Variants in PTPRG observed in about 807,000 individuals in gnomAD.
PTPRG encodes the protein receptor-type tyrosine-protein phosphatase gamma.
In PTPRG, 102 loss-of-function variants were observed where a neutral mutation model predicts 165.3. The observed-to-expected ratio is 0.62, with a 90% CI of 0.53 to 0.73. PTPRG has a LOEUF of 0.73. Among genes scored for constraint, PTPRG ranks in the 30% least tolerant of loss-of-function variants. The probability of loss-of-function intolerance (pLI) is 0.00; values close to 1 mark genes in which losing one functional copy is unlikely to be tolerated. For synonymous variants in PTPRG, 675 were observed against 669.5 expected (o/e 1.01, Z -0.13); for missense variants, 1,866 against 1,861.4 (o/e 1.00, Z -0.05).
intron 2 of PTPRG, among the ~76,000 whole-genome samples, chr3:61,760,105 A>G (rs984627290): frequency 1.1e-4 from 16 of 152,214 alleles, no homozygotes; most frequent in Non-Finnish European, 2.1e-4. Context: ...TGGCTTTCCA[A>G]TATGGCAAAA....
At position 61,917,805 on chromosome 3, in the gene PTPRG, C is replaced by T. The variant is rs117970852; in HGVS notation, c.191-71820C>T. ...AACATTATCCGGGTGTGGTGGCGGACGCTTGTAATCCTAGCTACCAGGAGG... is the reference window on the plus strand; with the variant it reads ...AACATTATCCGGGTGTGGTGGCGGATGCTTGTAATCCTAGCTACCAGGAGG... On this transcript the variant is annotated intron_variant, in intron 2 of 29. Transcript: ENST00000474889. 1.8e-4 allele frequency among the ~76,000 whole-genome samples: 27 copies of T among 152,200 alleles called. No individual in the cohort carries two copies. In the East Asian group the frequency reaches 4.6e-3, roughly 26 times the overall value.
rs533342754 is a variant in PTPRG at position 62,121,476 on chromosome 3, G to A, written c.616-11126G>A. The stretch of plus-strand genomic sequence containing the variant: ...ATACAGCTGCTAAGTAGAAGAGCTG[G>A]GTTGTGAATCGGGCTCTAGCATCCT... On this transcript the variant is annotated intron_variant, in intron 5 of 29. Transcript: ENST00000474889. Among the ~76,000 whole-genome samples, 261 of 152,214 alleles carry A rather than the reference G, an allele frequency of 1.7e-3. 1 individual carries two copies. Among genetic ancestry groups the A allele is most frequent in the African/African-American group, 6.0e-3 (251 of 41,522 alleles).
chr3:61,849,737 A>G (rs1336603977), intron 2 of PTPRG, among the ~76,000 whole-genome samples: 1 of 149,012 alleles, frequency 6.7e-6, no homozygotes, highest in African/African-American at 2.6e-5. Context: ...AGCTACAGCT[A>G]CACATAGAAC....
At chr3:62,260,842 C>T (rs1463123868) in intron 16 of PTPRG, 1 of 152,180 alleles carries the variant, frequency 6.6e-6, no homozygotes, top group African/African-American at 2.4e-5. Flanking sequence ...CAGAAGGCCT[C>T]AGGCAAACCC....
At chr3:61,895,625 T>C (rs1429429295) in intron 2 of PTPRG, among the ~76,000 whole-genome samples, 1 of 152,250 alleles carries the variant, frequency 6.6e-6, no homozygotes, top group African/African-American at 2.4e-5. Flanking sequence ...CATTTTATTT[T>C]TGAAAGTCAA....
intron 2 of PTPRG, among the ~76,000 whole-genome samples, chr3:61,870,676 C>T (rs2037546049): frequency 6.6e-6 from 1 of 151,312 alleles, no homozygotes; most frequent in Non-Finnish European, 1.5e-5. Flanking sequence ...CCATCGCACC[C>T]ATTGTTGGGT....
chr3:62,201,252 A>G (rs2106833573), intron 10 of PTPRG, among the ~76,000 whole-genome samples: 2 of 152,356 alleles, frequency 1.3e-5, no homozygotes, highest in East Asian at 3.9e-4. Context: ...ATTGAAAAAT[A>G]ACTTTTTAAC....
At chr3:62,142,245 C>T (rs191588548) in intron 6 of PTPRG, among the ~76,000 whole-genome samples, 25 of 152,096 alleles carry the variant, frequency 1.6e-4, no homozygotes, top group African/African-American at 5.8e-4. Context: ...AAAACCCAAT[C>T]TTTATTGCTT....
chr3:61,984,010 A>C (rs192680746), intron 2 of PTPRG, among the ~76,000 whole-genome samples: 1 of 152,214 alleles, frequency 6.6e-6, no homozygotes, highest in South Asian at 2.1e-4. Context: ...GTGAAGTCTC[A>C]GATTCAAGCC....
chr3:61,775,291 G>A (rs915979506), intron 2 of PTPRG, among the ~76,000 whole-genome samples: 1 of 152,048 alleles, frequency 6.6e-6, no homozygotes, highest in Admixed American at 6.6e-5. Flanking sequence ...GGCTGGTCTC[G>A]AACTCCTGAC....
Position 62,076,602 on chromosome 3 carries a change from A to G in PTPRG, c.520-1561A>G, listed in dbSNP as rs112857220. Among the ~76,000 whole-genome samples the G allele has an allele frequency of 9.1e-3, 1,334 of 146,526 alleles. 24 individuals carry two copies. Among genetic ancestry groups the G allele is most frequent in the African/African-American group, 0.032 (1,276 of 39,622 alleles). ...CTACATCTTTTTTTTTTTTTTCGAG[A>G]CAGAGTTTTGCTCTTGTTGCCCAGG... On this transcript the variant is annotated intron_variant, in intron 4 of 29. Transcript: ENST00000474889.
At position 61,629,932 on chromosome 3, in the gene PTPRG, T is replaced by A. The variant is rs144990071; in HGVS notation, c.85+67560T>A. Among the ~76,000 whole-genome samples, 270 of 152,256 alleles carry A rather than the reference T, an allele frequency of 1.8e-3. 3 individuals are homozygous for A. Among genetic ancestry groups the A allele is most frequent in the African/African-American group, 6.2e-3 (256 of 41,528 alleles). On this transcript the variant is annotated intron_variant, in intron 1 of 29. Coordinates refer to ENST00000474889, the MANE Select transcript of PTPRG (RefSeq NM_002841.4). ...ATGGGCTACCATGCCAGAAATGAAG[T>A]CCGATATTAAAATGTTTGTTCAACA...
chr3:62,178,437 G>A (rs1705519621), intron 8 of PTPRG, among the ~76,000 whole-genome samples: 1 of 152,204 alleles, frequency 6.6e-6, no homozygotes, highest in Non-Finnish European at 1.5e-5. Context: ...ATCTGAAGTA[G>A]GATGTCATGC....
At chr3:61,672,701 A>G (rs1233953310) in intron 1 of PTPRG, among the ~76,000 whole-genome samples, 10 of 148,374 alleles carry the variant, frequency 6.7e-5, no homozygotes, top group African/African-American at 2.5e-4. Context: ...CATCAGAGGG[A>G]GACCGTGGAA....
At chr3:61,692,939 C>CT (rs1360588095) in intron 1 of PTPRG, among the ~76,000 whole-genome samples, 1 of 152,062 alleles carries the variant, frequency 6.6e-6, no homozygotes, top group Admixed American at 6.6e-5. Context: ...ACCTATTAAG[C>CT]TTTTTTTGGT....
At chr3:62,242,075 C>G (rs1701171479) in intron 14 of PTPRG, among the ~76,000 whole-genome samples, 1 of 152,152 alleles carries the variant, frequency 6.6e-6, no homozygotes, top group African/African-American at 2.4e-5. Context: ...AACTTAATAA[C>G]TAATTTAGAG....
In PTPRG at chr3:62,252,274, T is replaced by C. The variant is rs1454019191; in HGVS notation, c.2468-2850T>C. Among the ~76,000 whole-genome samples, 2 of 152,186 alleles carry C rather than the reference T, an allele frequency of 1.3e-5. No individual in the cohort carries two copies. The highest frequency in any genetic ancestry group is 1.3e-4 in the Admixed American group (2 of 15,274). ...CCTTGAGCAGAGACCATCTCCCTAA[T>C]ATCTGGCTGAATACTAGGTGCTCAG... On this transcript the variant is annotated intron_variant, in intron 15 of 29. Transcript: ENST00000474889. This position sits in a 1 kb window ranked among gnomAD's most constrained non-coding sequence, Gnocchi z 4.6.
chr3:61,738,258 TTATATATATATATATATATACATA>T (rs2032802781), intron 1 of PTPRG, among the ~76,000 whole-genome samples: 1 of 8,656 alleles, frequency 1.2e-4, no homozygotes, highest in Admixed American at 1.6e-3. Flanking sequence ...TTGTCCATTT[TTATATATATATATATATATACATA>T]TATATATATA....
intron 1 of PTPRG, among the ~76,000 whole-genome samples, chr3:61,647,225 C>G (rs1702222868): frequency 6.6e-6 from 1 of 152,162 alleles, no homozygotes; most frequent in African/African-American, 2.4e-5. Flanking sequence ...CTGGAATTGG[C>G]AGTGTTTGAA....
Sources: gnomAD v4.1 joint callset for allele counts (sites outside exome capture counted in the v4.1 genomes callset) on GRCh38, gnomAD v4.1.1 for gene constraint, Gnocchi (gnomAD v3.1) non-coding constraint, MANE v1.5 for transcripts, NCBI Gene and HGNC (gene_info 2026-07-23, HGNC 2026-07-21) for gene names.